Variants in GAK observed in about 807,000 individuals in gnomAD.
GAK encodes cyclin G associated kinase, also known as cyclin-G-associated kinase.
A neutral mutation model predicts 143.9 loss-of-function variants in GAK; 79 were observed. That is an observed-to-expected ratio of 0.55 (90% CI 0.46 to 0.66). The LOEUF (loss-of-function observed/expected upper bound fraction) is 0.66. Ranked by LOEUF, GAK falls within the 30% of genes least tolerant of loss-of-function variation. The probability of loss-of-function intolerance (pLI) is 0.00; values close to 1 mark genes in which losing one functional copy is unlikely to be tolerated. For missense variants in GAK, 1,693 were observed against 1,779.7 expected, an observed-to-expected ratio of 0.95 and a Z score of 0.88; for synonymous variants, 881 against 765.5, an observed-to-expected ratio of 1.15 and a Z score of -2.49.
chr4:919,897 TC>T (rs1204225582), intron 1 of GAK, among the ~76,000 whole-genome samples: 2 of 152,180 alleles, frequency 1.3e-5, no homozygotes, highest in African/African-American at 4.8e-5. Context: ...ATGCCTGTAA[TC>T]CCAAAGCTTA....
Position 883,333 on chromosome 4 carries a change from G to A in GAK, c.1386C>T (p.Pro462=), listed in dbSNP as rs1184226090. The change falls in exon 13 of 28, where the codon CCC becomes CCT. Residue 462 remains proline (P), a synonymous_variant. Transcript: ENST00000314167. ...VYNLSPRTYR[P]SRFHNRVSEC... is the part of the protein sequence containing the mutation. ...CACACACCCGGTTGTGGAACCTGGA[G>A]GGCCGGTAGGTCCTCGGGGACAGGT... 2 of 1,613,330 alleles carry A rather than the reference G, an allele frequency of 1.2e-6. No individual in the cohort carries two copies. Among genetic ancestry groups the A allele is most frequent in the African/African-American group, 1.3e-5 (1 of 74,944 alleles).
rs376765261 is a variant in GAK at position 877,074 on chromosome 4, C to T, written c.1974+16G>A. The T allele has an allele frequency of 1.3e-6, 2 of 1,581,770 alleles. No individual in the cohort carries two copies. The highest frequency in any genetic ancestry group is 2.7e-5 in the African/African-American group (2 of 74,302). ...GCGTGAGTGGGGAGCACCGGGCAAG[C>T]CACAGGCTCTCTCACCTTGGCCTGC... On this transcript the variant is annotated intron_variant, in intron 17 of 27. Coordinates refer to ENST00000314167, the MANE Select transcript of GAK (RefSeq NM_005255.4).
chr4:888,717 G>C, intron 11 of GAK, 130 bp downstream of exon 11: 2 of 1,101,828 alleles, frequency 1.8e-6, no homozygotes, highest in Non-Finnish European at 2.6e-6. Flanking sequence ...GGGTGATGCT[G>C]TCCCACTGCC....
At chr4:859,158 C>G (rs530167359) in intron 24 of GAK, 1 of 983,892 alleles carries the variant, frequency 1.0e-6, no homozygotes, top group East Asian at 1.1e-4. Flanking sequence ...GACGTGGGAC[C>G]GGAGACTCAG....
chr4:916,849 A>G, intron 1 of GAK, among the ~76,000 whole-genome samples: 1 of 152,226 alleles, frequency 6.6e-6, no homozygotes. Flanking sequence ...CTGTGTATTT[A>G]CCCAAGAAAA....
chr4:902,602 A>AAAAAAAAAAAAAAAAAAAAAAAC (rs1560401424), intron 5 of GAK, among the ~76,000 whole-genome samples: 1 of 149,286 alleles, frequency 6.7e-6, no homozygotes, highest in African/African-American at 2.5e-5. Flanking sequence ...GACTCAAAAA[A>AAAAAAAAAAAAAAAAAAAAAAAC]AAAAAAAAAA....
chr4:903,888 G>A (rs901513471), intron 5 of GAK, among the ~76,000 whole-genome samples: 1 of 152,158 alleles, frequency 6.6e-6, no homozygotes, highest in Non-Finnish European at 1.5e-5. Context: ...TGGGCGTGAA[G>A]GCCCCCAGCA....
intron 15 of GAK, among the ~76,000 whole-genome samples, chr4:880,928 G>C (rs1307479913): frequency 6.6e-6 from 1 of 152,238 alleles, no homozygotes; most frequent in Non-Finnish European, 1.5e-5. Context: ...CACCTGGCCT[G>C]GGGGTGCCAA....
At chr4:924,682 C>G (rs747708809) in intron 1 of GAK, among the ~76,000 whole-genome samples, 14 of 152,088 alleles carry the variant, frequency 9.2e-5, no homozygotes, top group Non-Finnish European at 1.8e-4. Flanking sequence ...GGGAGGTGAC[C>G]GGATTATGGG....
chr4:903,270 A>G (rs1577244492), intron 5 of GAK, among the ~76,000 whole-genome samples: 1 of 151,680 alleles, frequency 6.6e-6, no homozygotes, highest in African/African-American at 2.4e-5. Flanking sequence ...ACATCACGCC[A>G]ACCCCGGGAT....
chr4:882,133 C>A (rs1715260262), intron 14 of GAK, 93 bp from the exon 15 acceptor site: 2 of 1,318,662 alleles, frequency 1.5e-6, no homozygotes, highest in East Asian at 5.1e-5. Flanking sequence ...CCTGTGGCTG[C>A]AGGGACGCAG....
At chr4:856,303 T>TCAC (rs1224381505) in intron 24 of GAK, among the ~76,000 whole-genome samples, 1 of 126,318 alleles carries the variant, frequency 7.9e-6, no homozygotes, top group Non-Finnish European at 1.5e-5. Flanking sequence ...TCACCCCTGC[T>TCAC]CACCACAGCT....
chr4:921,314 G>A (rs1164334816), intron 1 of GAK, among the ~76,000 whole-genome samples: 1 of 152,136 alleles, frequency 6.6e-6, no homozygotes, highest in African/African-American at 2.4e-5. Flanking sequence ...TGTTGCCCAG[G>A]TTGGTCTCGA....
intron 10 of GAK, 47 bp from the exon 11 acceptor site, chr4:889,017 C>G: frequency 6.4e-7 from 1 of 1,567,556 alleles, no homozygotes. Flanking sequence ...TCGGTCCCAC[C>G]TCCCCAGGTG....
At position 850,073 on chromosome 4, in the gene GAK, G is replaced by T; in HGVS notation, c.3658-5C>A. 6.4e-7 allele frequency: 1 copy of T among 1,563,622 alleles called. No individual in the cohort carries two copies. The stretch of plus-strand genomic sequence containing the variant: ...GCCCTCAATCCAGTCCAGGAGCTGC[G>T]GGAGACACGGAGCTTGCCGAGCCCT... On this transcript the variant is annotated splice_polypyrimidine_tract_variant and splice_region_variant and intron_variant, in intron 26 of 27. Transcript: ENST00000314167.
chr4:849,831 A>AGGGGGG, intron 27 of GAK, 57 bp from the exon 28 acceptor site: 13 of 998,996 alleles, frequency 1.3e-5, no homozygotes, highest in Middle Eastern at 2.5e-4. Flanking sequence ...CGGGCGGGGC[A>AGGGGGG]GGACCCCCCC....
At position 849,922 on chromosome 4, in the gene GAK, G is replaced by A; in HGVS notation, c.3804C>T (p.Arg1268=). 1 of 1,596,564 alleles carries A rather than the reference G, an allele frequency of 6.3e-7. No individual in the cohort carries two copies. The highest frequency in any genetic ancestry group is 8.5e-7 in the Non-Finnish European group (1 of 1,170,062). Residue 1268 remains arginine, a synonymous_variant, in exon 27 of 28, where the codon CGC becomes CGT. Transcript: ENST00000314167. ...VAPEQVKKHY[R]RAVLAVHPDK... Reference sequence around the variant, plus strand: ...CGGGGTGCACAGCCAGCACCGCGCGGCGATAGTGCTTCTTCACTTGCTCCG... The same window carrying A: ...CGGGGTGCACAGCCAGCACCGCGCGACGATAGTGCTTCTTCACTTGCTCCG...
intron 6 of GAK, among the ~76,000 whole-genome samples, chr4:897,389 G>A (rs895844933): frequency 6.6e-6 from 1 of 152,182 alleles, no homozygotes; most frequent in Non-Finnish European, 1.5e-5. Flanking sequence ...GCCTGAGGCC[G>A]GGACAGTCAG....
chr4:928,080 T>A (rs1490605308), intron 1 of GAK, among the ~76,000 whole-genome samples: 1 of 152,144 alleles, frequency 6.6e-6, no homozygotes, highest in Non-Finnish European at 1.5e-5. Flanking sequence ...TTTTTTGAGA[T>A]AGAGTCTCGC....
Sources: allele counts gnomAD v4.1 joint callset (sites outside exome capture counted in the v4.1 genomes callset), GRCh38; gene constraint gnomAD v4.1.1; transcripts MANE v1.5; gene names NCBI Gene and HGNC (gene_info 2026-07-23, HGNC 2026-07-21).